Variants in ALDH1A2 observed in about 807,000 individuals in gnomAD.
The protein encoded by ALDH1A2 is retinal dehydrogenase 2.
ALDH1A2 carries 27 observed loss-of-function variants against 60.3 expected under a neutral mutation model. The ratio of observed to expected loss-of-function variants is 0.45; its 90% CI spans 0.33 to 0.62. The LOEUF is 0.62. Among genes scored for constraint, ALDH1A2 ranks in the 20% least tolerant of loss-of-function variants. The pLI is 0.02. For synonymous variants in ALDH1A2, 289 were observed against 232.4 expected (o/e 1.24, Z -2.21); for missense variants, 581 against 643.8 (o/e 0.90, Z 1.06).
intron 4 of ALDH1A2, 149 bp downstream of exon 4, chr15:58,010,498 TGA>T (rs1232970380): frequency 1.5e-5 from 13 of 865,436 alleles, no homozygotes; most frequent in Non-Finnish European, 2.3e-5. Flanking sequence ...TCAGAGTCAG[TGA>T]CATAATTTGG....
Position 57,967,266 on chromosome 15 carries a change from G to A in ALDH1A2, c.799-1439C>T, listed in dbSNP as rs570095560. On this transcript the variant is annotated intron_variant, in intron 7 of 12. Coordinates refer to ENST00000249750, the MANE Select transcript of ALDH1A2 (RefSeq NM_003888.4). ...CTGAGCCTTGGATCCTCCTCTGTAG[G>A]GGGGGATAAAAATACTATGTACTTC... Among the ~76,000 whole-genome samples, 14 of 152,158 alleles carry A rather than the reference G, an allele frequency of 9.2e-5. 1 individual carries two copies. In the South Asian group the frequency reaches 2.7e-3, roughly 29 times the overall value.
At chr15:57,987,997 A>AGAT (rs755833289) in intron 7 of ALDH1A2, among the ~76,000 whole-genome samples, 18 of 152,336 alleles carry the variant, frequency 1.2e-4, no homozygotes, top group Admixed American at 2.0e-4. Context: ...AGATCGTTAC[A>AGAT]GATAAGGAAA....
At chr15:57,987,634 A>C (rs1477932225) in intron 7 of ALDH1A2, among the ~76,000 whole-genome samples, 2 of 152,214 alleles carry the variant, frequency 1.3e-5, no homozygotes, top group Non-Finnish European at 2.9e-5. Flanking sequence ...TAATCCCAGC[A>C]CTTTGGGAGG....
chr15:58,053,719 T>C (rs1896831281), intron 1 of ALDH1A2, among the ~76,000 whole-genome samples: 1 of 152,142 alleles, frequency 6.6e-6, no homozygotes, highest in African/African-American at 2.4e-5. Context: ...GCAAACCTCA[T>C]TAGTCTCCCT....
At chr15:57,977,439 C>A (rs1357123237) in intron 7 of ALDH1A2, among the ~76,000 whole-genome samples, 3 of 152,104 alleles carry the variant, frequency 2.0e-5, no homozygotes, top group African/African-American at 7.2e-5. Flanking sequence ...AGTAAGGGGT[C>A]CAGTTACTGT....
intron 12 of ALDH1A2, among the ~76,000 whole-genome samples, chr15:57,956,395 C>G (rs1352468698): frequency 6.6e-6 from 1 of 152,208 alleles, no homozygotes; most frequent in African/African-American, 2.4e-5. Context: ...GTTACTGTGG[C>G]TGGGCTTTAC....
At chr15:58,034,665 T>C (rs1213429519) in intron 1 of ALDH1A2, among the ~76,000 whole-genome samples, 1 of 151,706 alleles carries the variant, frequency 6.6e-6, no homozygotes, top group Non-Finnish European at 1.5e-5. Context: ...GAGTCTTCCT[T>C]CTTTATATGA....
At chr15:57,975,141 G>A (rs2140466074) in intron 7 of ALDH1A2, among the ~76,000 whole-genome samples, 1 of 152,338 alleles carries the variant, frequency 6.6e-6, no homozygotes, top group East Asian at 1.9e-4. Flanking sequence ...TAACCGATTT[G>A]GAAAACAGTT....
At chr15:58,005,181 T>C (rs1180686702) in intron 4 of ALDH1A2, among the ~76,000 whole-genome samples, 1 of 151,890 alleles carries the variant, frequency 6.6e-6, no homozygotes, top group African/African-American at 2.4e-5. Flanking sequence ...CTGCCTGTAA[T>C]GTCCCTGACT....
chr15:58,002,535 AGAGT>A (rs1365687996), intron 4 of ALDH1A2, among the ~76,000 whole-genome samples: 2 of 151,974 alleles, frequency 1.3e-5, no homozygotes, highest in African/African-American at 2.4e-5. Context: ...AATATAAACT[AGAGT>A]GAGTATGACT....
At chr15:57,996,523 A>C (rs1291461189) in intron 4 of ALDH1A2, among the ~76,000 whole-genome samples, 2 of 145,190 alleles carry the variant, frequency 1.4e-5, no homozygotes, top group Non-Finnish European at 3.0e-5. Context: ...TTTTTCCTGT[A>C]AAGCTAGGAC....
At chr15:57,957,382 A>C (rs543786153) in intron 12 of ALDH1A2, among the ~76,000 whole-genome samples, 3 of 152,162 alleles carry the variant, frequency 2.0e-5, no homozygotes, top group African/African-American at 7.2e-5. Flanking sequence ...GGACCAGGAG[A>C]CTGAGAGACA....
chr15:57,970,304 GCT>G (rs372657525), intron 7 of ALDH1A2, among the ~76,000 whole-genome samples: 177 of 152,326 alleles, frequency 1.2e-3, no homozygotes, highest in African/African-American at 4.1e-3. Flanking sequence ...GAGCCTCTCA[GCT>G]CTGTGTACCC....
At chr15:58,043,218 CATTA>C (rs1896560575) in intron 1 of ALDH1A2, among the ~76,000 whole-genome samples, 1 of 151,954 alleles carries the variant, frequency 6.6e-6, no homozygotes, top group Non-Finnish European at 1.5e-5. Context: ...TCTTGACAAA[CATTA>C]ATAATGAATC....
chr15:57,964,639 G>GT (rs1488565030), intron 8 of ALDH1A2: 2 of 154,078 alleles, frequency 1.3e-5, no homozygotes, highest in African/African-American at 4.8e-5. Flanking sequence ...GGATTAAACC[G>GT]TAACACCAAT....
At chr15:58,014,901 T>C (rs1290323366) in intron 1 of ALDH1A2, among the ~76,000 whole-genome samples, 1 of 152,196 alleles carries the variant, frequency 6.6e-6, no homozygotes, top group East Asian at 1.9e-4. Flanking sequence ...GGGTGTAATT[T>C]TCAAATGATC....
At chr15:58,008,335 G>C (rs1227089258) in intron 4 of ALDH1A2, among the ~76,000 whole-genome samples, 1 of 152,098 alleles carries the variant, frequency 6.6e-6, no homozygotes, top group African/African-American at 2.4e-5. Flanking sequence ...AGTGGGGAAA[G>C]ACTACTGTGA....
At chr15:58,063,937 G>C (rs1897105975) in intron 1 of ALDH1A2, among the ~76,000 whole-genome samples, 1 of 151,414 alleles carries the variant, frequency 6.6e-6, no homozygotes, top group Non-Finnish European at 1.5e-5. Flanking sequence ...AAAGAGAGAG[G>C]GGGTAGTTAG....
intron 1 of ALDH1A2, among the ~76,000 whole-genome samples, chr15:58,041,799 A>C (rs1399411175): frequency 6.6e-6 from 1 of 151,980 alleles, no homozygotes; most frequent in Admixed American, 6.6e-5. Flanking sequence ...AGACAGTAAC[A>C]AACTACTGGT....
Sources: gnomAD v4.1 joint callset for allele counts (sites outside exome capture counted in the v4.1 genomes callset) on GRCh38, gnomAD v4.1.1 for gene constraint, MANE v1.5 for transcripts, NCBI Gene and HGNC (gene_info 2026-07-23, HGNC 2026-07-21) for gene names.